BNC2: variants seen among roughly 807,000 people sequenced by gnomAD.
The protein encoded by BNC2 is zinc finger protein basonuclin-2.
In BNC2, 20 loss-of-function variants were observed where a neutral mutation model predicts 76.3. The observed-to-expected ratio is 0.26, with a 90% CI of 0.18 to 0.38. The LOEUF (loss-of-function observed/expected upper bound fraction) is 0.38, where lower values mean the gene tolerates loss of function less well. Among genes scored for constraint, BNC2 ranks in the 10% least tolerant of loss-of-function variants. BNC2 has a pLI of 1.00. For synonymous variants in BNC2, 582 were observed against 514.8 expected (o/e 1.13, Z -1.77); for missense variants, 1,382 against 1,399.8 (o/e 0.99, Z 0.20).
chr9:16,561,585 T>C (rs969293374), intron 4 of BNC2, among the ~76,000 whole-genome samples: 3 of 152,222 alleles, frequency 2.0e-5, no homozygotes, highest in Non-Finnish European at 4.4e-5. Flanking sequence ...GTTTCTCTTC[T>C]GAAAATTGTA....
intron 5 of BNC2, among the ~76,000 whole-genome samples, chr9:16,437,828 G>T (rs992157338): frequency 6.6e-6 from 1 of 152,106 alleles, no homozygotes. Context: ...TAACAACAAT[G>T]ATCTATATAC....
chr9:16,478,703 A>G (rs1320089749), intron 5 of BNC2, among the ~76,000 whole-genome samples: 3 of 111,326 alleles, frequency 2.7e-5, no homozygotes, highest in Non-Finnish European at 6.2e-5. Context: ...ACAGATGCTT[A>G]TTAGCTTCAG....
At chr9:16,459,977 C>T (rs1012791018) in intron 5 of BNC2, among the ~76,000 whole-genome samples, 1 of 152,028 alleles carries the variant, frequency 6.6e-6, no homozygotes, top group Non-Finnish European at 1.5e-5. Flanking sequence ...AGAGGGAAAG[C>T]GCACGTGCAA....
At chr9:16,672,793 A>G (rs1249354651) in intron 3 of BNC2, among the ~76,000 whole-genome samples, 3 of 152,232 alleles carry the variant, frequency 2.0e-5, no homozygotes, top group African/African-American at 4.8e-5. Flanking sequence ...AAATTCTGCT[A>G]AAGAGTAAGA....
intron 6 of BNC2, chr9:16,429,580 GA>G (rs912651484): frequency 1.6e-5 from 3 of 183,748 alleles, no homozygotes; most frequent in African/African-American, 7.1e-5. Flanking sequence ...ATTTTGGCCT[GA>G]ATTTTCAAGA....
chr9:16,772,893 T>C (rs1825867181), intron 1 of BNC2, among the ~76,000 whole-genome samples: 1 of 152,206 alleles, frequency 6.6e-6, no homozygotes, highest in Non-Finnish European at 1.5e-5. Flanking sequence ...AGGGAAATCT[T>C]GTACTAGCAG....
chr9:16,813,363 T>A (rs1818102426), intron 1 of BNC2, among the ~76,000 whole-genome samples: 1 of 151,690 alleles, frequency 6.6e-6, no homozygotes, highest in South Asian at 2.1e-4. Flanking sequence ...CCTCCCGGGT[T>A]CACGCCATTC....
chr9:16,555,500 AGTAAGTATGAAT>A (rs1818801671), intron 4 of BNC2, among the ~76,000 whole-genome samples: 2 of 152,124 alleles, frequency 1.3e-5, no homozygotes, highest in African/African-American at 4.8e-5. Flanking sequence ...ACCATATGTT[AGTAAGTATGAAT>A]ACAGCTGGGC....
At chr9:16,439,042 T>C (rs931215715) in intron 5 of BNC2, among the ~76,000 whole-genome samples, 2 of 151,968 alleles carry the variant, frequency 1.3e-5, no homozygotes, top group Non-Finnish European at 2.9e-5. Flanking sequence ...GTAAGTCTCA[T>C]GAGATCTGAT....
chr9:16,742,500 G>A (rs1824880035), intron 1 of BNC2, among the ~76,000 whole-genome samples: 2 of 152,092 alleles, frequency 1.3e-5, no homozygotes, highest in Non-Finnish European at 2.9e-5. Flanking sequence ...ATCAGCAACC[G>A]CCAGAGTCAC....
chr9:16,634,330 T>C (rs1821252642), intron 3 of BNC2, among the ~76,000 whole-genome samples: 1 of 152,194 alleles, frequency 6.6e-6, no homozygotes, highest in Non-Finnish European at 1.5e-5. Context: ...GATTTGAAAG[T>C]ATCACCAACA....
intron 3 of BNC2, among the ~76,000 whole-genome samples, chr9:16,722,545 C>T (rs1310628065): frequency 6.6e-6 from 1 of 152,180 alleles, no homozygotes; most frequent in African/African-American, 2.4e-5. Flanking sequence ...AGTTACTTGG[C>T]TCACCTTAGC....
chr9:16,790,136 A>C (rs1817464129), intron 1 of BNC2, among the ~76,000 whole-genome samples: 2 of 152,178 alleles, frequency 1.3e-5, no homozygotes, highest in Non-Finnish European at 2.9e-5. Flanking sequence ...AGCTGGGACT[A>C]CAGGTGCCCG....
At chr9:16,677,578 A>ACACACACACAC (rs61063092) in intron 3 of BNC2, among the ~76,000 whole-genome samples, 6 of 139,344 alleles carry the variant, frequency 4.3e-5, no homozygotes, top group South Asian at 2.4e-4. Flanking sequence ...GTCTCAAACA[A>ACACACACACAC]ACACACACAC....
chr9:16,800,299 T>C (rs533538563), intron 1 of BNC2, among the ~76,000 whole-genome samples: 1 of 152,106 alleles, frequency 6.6e-6, no homozygotes, highest in Admixed American at 6.5e-5. Flanking sequence ...ACAGTCTTAT[T>C]TCCTTCTCAA....
At chr9:16,539,661 A>G (rs1587145750) in intron 5 of BNC2, among the ~76,000 whole-genome samples, 3 of 18,102 alleles carry the variant, frequency 1.7e-4, no homozygotes, top group Admixed American at 7.7e-4. Context: ...GAGAGAAGGG[A>G]GGGAGGGAGG....
intron 6 of BNC2, among the ~76,000 whole-genome samples, chr9:16,433,040 G>A (rs1487408463): frequency 6.6e-6 from 1 of 152,140 alleles, no homozygotes; most frequent in African/African-American, 2.4e-5. Context: ...ATACAATTAT[G>A]TTTCACAGTT....
chr9:16,478,769 A>C (rs1189110854), intron 5 of BNC2, among the ~76,000 whole-genome samples: 2 of 152,180 alleles, frequency 1.3e-5, no homozygotes, highest in Non-Finnish European at 2.9e-5. Context: ...CTAGGTCAAA[A>C]AGGAATGTCA....
chr9:16,608,788 G>A (rs2133394917), intron 3 of BNC2, among the ~76,000 whole-genome samples: 1 of 152,298 alleles, frequency 6.6e-6, no homozygotes, highest in Admixed American at 6.5e-5. Context: ...GAAAAATAGA[G>A]GTACTGTTTC....
Sources: allele counts gnomAD v4.1 joint callset (sites outside exome capture counted in the v4.1 genomes callset), GRCh38; gene constraint gnomAD v4.1.1; transcripts MANE v1.5; gene names NCBI Gene and HGNC (gene_info 2026-07-23, HGNC 2026-07-21).